The following ENOX1 variants were observed in gnomAD, a reference collection of about 807,000 sequenced individuals.
ENOX1 encodes ecto-NOX disulfide-thiol exchanger 1.
In ENOX1, 42 loss-of-function variants were observed where a neutral mutation model predicts 82.5. That is an observed-to-expected ratio of 0.51 (90% CI 0.40 to 0.66). The LOEUF is 0.66. Ranked by LOEUF, ENOX1 falls within the 30% of genes least tolerant of loss-of-function variation. The pLI, the probability that ENOX1 is intolerant of heterozygous loss-of-function variation, is 0.00. For synonymous variants in ENOX1, 271 were observed against 282.2 expected (o/e 0.96, Z 0.40); for missense variants, 608 against 811.6 (o/e 0.75, Z 3.05).
intron 1 of ENOX1, among the ~76,000 whole-genome samples, chr13:43,752,991 C>T (rs753471919): frequency 4.0e-5 from 6 of 151,202 alleles, no homozygotes; most frequent in Admixed American, 2.0e-4. Flanking sequence ...TTCTGAGTAG[C>T]TGGGATTACA....
At chr13:43,654,477 A>T (rs1381639007) in intron 2 of ENOX1, among the ~76,000 whole-genome samples, 2 of 152,200 alleles carry the variant, frequency 1.3e-5, no homozygotes, top group African/African-American at 4.8e-5. Flanking sequence ...GTGAACACTG[A>T]TACAGGATTC....
Position 43,344,618 on chromosome 13 carries a change from T to C in ENOX1, c.956A>G (p.Asn319Ser), listed in dbSNP as rs1183602613. 6.2e-7 allele frequency: 1 copy of C among 1,614,080 alleles called. No homozygotes were observed. Among genetic ancestry groups the C allele is most frequent in the African/African-American group, 1.3e-5 (1 of 74,922 alleles). ...CTCTTGCTCATGGGTGGCTTTTTCA[T>C]TCATTAGCCGGCGGACGTGGCTGTT... Reference protein sequence around the residue: ...SANSHVRRLMNEKATHEQEME... With the variant: ...SANSHVRRLMSEKATHEQEME... Residue 319 changes from asparagine (N) to serine (S), a missense_variant, in exon 9 of 17, where the codon AAT becomes AGT. By Grantham distance (46) the Asn-to-Ser change is conservative. Coordinates refer to ENST00000690772, the MANE Select transcript of ENOX1 (RefSeq NM_001347969.2).
intron 1 of ENOX1, among the ~76,000 whole-genome samples, chr13:43,744,284 C>T (rs1184574682): frequency 6.6e-6 from 1 of 152,144 alleles, no homozygotes; most frequent in Non-Finnish European, 1.5e-5. Context: ...GGGCAACCCA[C>T]TTTAGGTTCT....
At chr13:43,422,449 ATT>A (rs1186130271) in intron 3 of ENOX1, among the ~76,000 whole-genome samples, 2 of 152,174 alleles carry the variant, frequency 1.3e-5, no homozygotes, top group Non-Finnish European at 2.9e-5. Context: ...AGACCCAACC[ATT>A]TCTCAAACAT....
intron 2 of ENOX1, among the ~76,000 whole-genome samples, chr13:43,646,512 TGAAG>T (rs1473718936): frequency 6.6e-6 from 1 of 152,206 alleles, no homozygotes; most frequent in Non-Finnish European, 1.5e-5. Flanking sequence ...GCTACTGAAA[TGAAG>T]GAAGTGAAGA....
At chr13:43,649,111 TACAC>T (rs1176643115) in intron 2 of ENOX1, among the ~76,000 whole-genome samples, 1 of 152,242 alleles carries the variant, frequency 6.6e-6, no homozygotes, top group East Asian at 1.9e-4. Flanking sequence ...ATCCAAATCA[TACAC>T]ACACAAAACA....
In ENOX1 at chr13:43,581,590, A is replaced by G. The variant is rs191679939; in HGVS notation, c.-219+85889T>C. 2.4e-4 allele frequency among the ~76,000 whole-genome samples: 36 copies of G among 152,362 alleles called. 1 individual carries two copies. In the East Asian group the frequency reaches 6.5e-3, roughly 28 times the overall value. ...GACAAAGAATTATCATACAAGTGACACAAAAAAGTTTTAAAAACATTTTCC... is the reference window on the plus strand; with the variant it reads ...GACAAAGAATTATCATACAAGTGACGCAAAAAAGTTTTAAAAACATTTTCC... On this transcript the variant is annotated intron_variant, in intron 2 of 16. Transcript: ENST00000690772.
chr13:43,342,521 T>C (rs568592657), intron 9 of ENOX1, among the ~76,000 whole-genome samples: 36 of 152,268 alleles, frequency 2.4e-4, no homozygotes, highest in African/African-American at 8.4e-4. Context: ...ACTCCTGTGG[T>C]TTCCAGGAGA....
chr13:43,604,102 T>G (rs895875970), intron 2 of ENOX1, among the ~76,000 whole-genome samples: 1 of 151,480 alleles, frequency 6.6e-6, no homozygotes, highest in African/African-American at 2.4e-5. Context: ...AGATGGTATC[T>G]CATTGTGGTT....
chr13:43,502,948 G>T (rs946566496), intron 2 of ENOX1, among the ~76,000 whole-genome samples: 16 of 151,398 alleles, frequency 1.1e-4, no homozygotes, highest in African/African-American at 3.9e-4. Context: ...CTGATGACAT[G>T]ATTTTATATA....
rs536217461 is a variant in ENOX1 at position 43,696,694 on chromosome 13, G to T, written c.-284-29150C>A. 7.9e-5 allele frequency among the ~76,000 whole-genome samples: 12 copies of T among 152,090 alleles called. 1 individual carries two copies. The South Asian group carries it at 2.3e-3, about 29-fold the overall frequency. On this transcript the variant is annotated intron_variant, in intron 1 of 16. Coordinates refer to ENST00000690772, the MANE Select transcript of ENOX1 (RefSeq NM_001347969.2). ...ATGATATAGCAATAAACAACACATG[G>T]ATGCACGCACTTAGACCTTTATCTC...
At chr13:43,716,382 G>A (rs937852852) in intron 1 of ENOX1, among the ~76,000 whole-genome samples, 1 of 152,108 alleles carries the variant, frequency 6.6e-6, no homozygotes, top group Non-Finnish European at 1.5e-5. Flanking sequence ...CGGTGGCTCA[G>A]ATGGAAATGC....
chr13:43,232,805 C>T (rs556115761), intron 15 of ENOX1, among the ~76,000 whole-genome samples: 1 of 152,274 alleles, frequency 6.6e-6, no homozygotes, highest in South Asian at 2.1e-4. Flanking sequence ...TTTACAATGA[C>T]TAGCATCAAC....
intron 8 of ENOX1, among the ~76,000 whole-genome samples, chr13:43,353,777 T>C (rs1014620791): frequency 6.6e-6 from 1 of 152,260 alleles, no homozygotes; most frequent in Non-Finnish European, 1.5e-5. Flanking sequence ...TTCCAATCTG[T>C]TCTTTCCTCA....
chr13:43,778,415 A>T (rs1371776635), intron 1 of ENOX1, among the ~76,000 whole-genome samples: 1 of 152,212 alleles, frequency 6.6e-6, no homozygotes, highest in Non-Finnish European at 1.5e-5. Flanking sequence ...GAGGAAAAAA[A>T]GCAACCCCAC....
At chr13:43,749,724 G>C (rs1401074639) in intron 1 of ENOX1, among the ~76,000 whole-genome samples, 1 of 151,738 alleles carries the variant, frequency 6.6e-6, no homozygotes, top group Non-Finnish European at 1.5e-5. Context: ...ACAATAACAA[G>C]CACTTCACTC....
At chr13:43,538,290 T>C (rs2078555799) in intron 2 of ENOX1, among the ~76,000 whole-genome samples, 1 of 152,208 alleles carries the variant, frequency 6.6e-6, no homozygotes. Flanking sequence ...AAATGTGGAA[T>C]GGTATGTCAC....
intron 12 of ENOX1, among the ~76,000 whole-genome samples, chr13:43,282,344 C>T (rs2045433411): frequency 6.6e-6 from 1 of 151,900 alleles, no homozygotes; most frequent in African/African-American, 2.4e-5. Flanking sequence ...TTTTAACTGT[C>T]CTTGTTTTAT....
chr13:43,456,523 T>C (rs1245348441), intron 3 of ENOX1, among the ~76,000 whole-genome samples: 2 of 152,072 alleles, frequency 1.3e-5, no homozygotes, highest in African/African-American at 4.8e-5. Context: ...CAATCAGTCA[T>C]TTTTTGGACT....
Sources: gnomAD v4.1 joint callset for allele counts (sites outside exome capture counted in the v4.1 genomes callset) on GRCh38, gnomAD v4.1.1 for gene constraint, MANE v1.5 for transcripts, NCBI Gene and HGNC (gene_info 2026-07-23, HGNC 2026-07-21) for gene names.